CSMD3: variants seen among roughly 807,000 people sequenced by gnomAD.
CSMD3 encodes CUB and sushi domain-containing protein 3.
CSMD3 carries 177 observed loss-of-function variants against 435.2 expected under a neutral mutation model. That is an observed-to-expected ratio of 0.41 (90% CI 0.36 to 0.46). The LOEUF (loss-of-function observed/expected upper bound fraction) is 0.46. Ranked by LOEUF, CSMD3 falls within the 20% of genes least tolerant of loss-of-function variation. The probability of loss-of-function intolerance (pLI) is 0.34; values close to 1 mark genes in which losing one functional copy is unlikely to be tolerated. For missense variants in CSMD3, 4,265 were observed against 4,504.6 expected, an observed-to-expected ratio of 0.95 and a Z score of 1.52; for synonymous variants, 1,656 against 1,520.5, an observed-to-expected ratio of 1.09 and a Z score of -2.07.
intron 1 of CSMD3, among the ~76,000 whole-genome samples, chr8:113,422,751 G>GA (rs375804522): frequency 7.6e-4 from 115 of 151,752 alleles, no homozygotes; most frequent in African/African-American, 2.5e-3. Context: ...AGAGAGAGAC[G>GA]AAAAAAAATG....
At chr8:112,414,870 CT>C (rs1162648080) in intron 32 of CSMD3, among the ~76,000 whole-genome samples, 1 of 152,146 alleles carries the variant, frequency 6.6e-6, no homozygotes, top group Non-Finnish European at 1.5e-5. Context: ...CATTTTGCCC[CT>C]GTGCTAGAGA....
intron 37 of CSMD3, among the ~76,000 whole-genome samples, chr8:112,381,474 C>T (rs1829456019): frequency 6.6e-6 from 1 of 152,204 alleles, no homozygotes; most frequent in Non-Finnish European, 1.5e-5. Flanking sequence ...TAAACAAGCG[C>T]TAATTCTACA....
chr8:112,976,002 C>G lies in CSMD3; in HGVS notation c.1177G>C (p.Glu393Gln), dbSNP rs746262199. The G allele has an allele frequency of 1.2e-6, 2 of 1,613,814 alleles. No individual in the cohort carries two copies. The highest frequency in any genetic ancestry group is 3.3e-5 in the Admixed American group (2 of 59,966). Residue 393 changes from glutamate to glutamine, a missense_variant, in exon 7 of 71, where the codon GAA (glutamate) becomes CAA (glutamine). Glu to Gln is a conservative substitution (Grantham distance 29). Coordinates refer to ENST00000297405, the MANE Select transcript of CSMD3 (RefSeq NM_198123.2). The stretch of plus-strand genomic sequence containing the variant: ...AGACTCGTAACTTGCACTCGCTGTT[C>G]CTCGGAAAGTCTATGGATGGTGACA... ...TAVTIHRLSE[E>Q]QRVQVTSLRN...
At chr8:112,821,553 C>T (rs2079530600) in intron 12 of CSMD3, among the ~76,000 whole-genome samples, 1 of 152,062 alleles carries the variant, frequency 6.6e-6, no homozygotes, top group African/African-American at 2.4e-5. Context: ...AATATTAGAT[C>T]TTTGTCGGAT....
At chr8:112,956,064 T>TA (rs999172626) in intron 7 of CSMD3, among the ~76,000 whole-genome samples, 2 of 151,908 alleles carry the variant, frequency 1.3e-5, no homozygotes, top group Non-Finnish European at 2.9e-5. Flanking sequence ...GCATATATTT[T>TA]AAAAAAAGAG....
At chr8:113,212,367 T>C (rs563815177) in intron 3 of CSMD3, among the ~76,000 whole-genome samples, 2 of 152,110 alleles carry the variant, frequency 1.3e-5, no homozygotes, top group Non-Finnish European at 2.9e-5. Flanking sequence ...ATACAATAAG[T>C]ACAAGTTTAA....
intron 12 of CSMD3, among the ~76,000 whole-genome samples, chr8:112,814,198 C>A (rs2079307814): frequency 6.6e-6 from 1 of 152,074 alleles, no homozygotes. Context: ...GAAATTGATT[C>A]AGGGGCAATA....
chr8:112,263,862 C>T (rs2130388325), intron 60 of CSMD3, 50 bp from the exon 61 acceptor site: 3 of 1,484,920 alleles, frequency 2.0e-6, no homozygotes, highest in Non-Finnish European at 2.8e-6. Flanking sequence ...ATATCCTGAG[C>T]CTTAAAGATA....
At chr8:112,449,290 TAAAAC>T (rs767243663) in intron 32 of CSMD3, among the ~76,000 whole-genome samples, 1 of 152,162 alleles carries the variant, frequency 6.6e-6, no homozygotes, top group African/African-American at 2.4e-5. Context: ...TTTTTGTGTT[TAAAAC>T]AAAACAAAAC....
At chr8:112,319,274 G>A (rs889375370) in intron 46 of CSMD3, among the ~76,000 whole-genome samples, 2 of 151,868 alleles carry the variant, frequency 1.3e-5, no homozygotes, top group Non-Finnish European at 2.9e-5. Context: ...TAGTTAGAAG[G>A]CTTTCTATTT....
intron 5 of CSMD3, among the ~76,000 whole-genome samples, chr8:113,025,608 G>C (rs933170954): frequency 1.3e-5 from 2 of 152,178 alleles, no homozygotes; most frequent in African/African-American, 4.8e-5. Context: ...CCACCACAAG[G>C]CTAACTGGTG....
chr8:113,257,603 G>T (rs1457591595), intron 3 of CSMD3, among the ~76,000 whole-genome samples: 1 of 152,114 alleles, frequency 6.6e-6, no homozygotes, highest in East Asian at 1.9e-4. Flanking sequence ...TAGGAAAGGA[G>T]AAAGGAGTAA....
At chr8:113,291,309 CAG>C (rs1468738156) in intron 2 of CSMD3, among the ~76,000 whole-genome samples, 1 of 151,688 alleles carries the variant, frequency 6.6e-6, no homozygotes, top group Non-Finnish European at 1.5e-5. Flanking sequence ...GGCATTAAAA[CAG>C]AGTGATTAGA....
intron 4 of CSMD3, among the ~76,000 whole-genome samples, chr8:113,172,004 T>C (rs1400704041): frequency 6.6e-6 from 1 of 152,164 alleles, no homozygotes; most frequent in Non-Finnish European, 1.5e-5. Context: ...TCTCTTATAA[T>C]ACCATTTAGT....
chr8:112,664,106 G>A (rs1260544040), intron 17 of CSMD3, among the ~76,000 whole-genome samples: 3 of 151,926 alleles, frequency 2.0e-5, no homozygotes, highest in Non-Finnish European at 2.9e-5. Context: ...TTCAACTACC[G>A]TTGCACCTCC....
intron 10 of CSMD3, among the ~76,000 whole-genome samples, chr8:112,862,981 T>C (rs2129921810): frequency 6.6e-6 from 1 of 152,162 alleles, no homozygotes; most frequent in Admixed American, 6.5e-5. Flanking sequence ...ACATTTTTAG[T>C]ATGCTTTAAC....
rs543505594 is a variant in CSMD3, at chr8:113,285,112, G to A, written c.402-6408C>T. On this transcript the variant is annotated intron_variant, in intron 2 of 70. Coordinates refer to ENST00000297405, the MANE Select transcript of CSMD3 (RefSeq NM_198123.2). ...TTGGTTTTTGCACAATGCCCATGTA[G>A]GTTTCTTAACAAGTATTTTGAATGA... Among the ~76,000 whole-genome samples, 7 of 152,226 alleles carry A rather than the reference G, an allele frequency of 4.6e-5. 1 individual carries two copies. The South Asian group carries it at 8.3e-4, about 18-fold the overall frequency.
Position 113,223,700 on chromosome 8 carries a change from T to C in CSMD3, c.515-49784A>G, listed in dbSNP as rs188150705. 5.4e-3 allele frequency among the ~76,000 whole-genome samples: 816 copies of C among 149,906 alleles called. 11 individuals carry two copies. Among genetic ancestry groups the C allele is most frequent in the African/African-American group, 0.019 (785 of 41,144 alleles). ...TTTATTCTTTCATTATTTCATCAAA[T>C]ATATATCAGGCACTTTTTAAGGCAA... On this transcript the variant is annotated intron_variant, in intron 3 of 70. Transcript: ENST00000297405.
At position 112,390,697 on chromosome 8, in the gene CSMD3, C is replaced by T; in HGVS notation, c.5901G>A (p.Trp1967Ter). The T allele has an allele frequency of 6.2e-7, 1 of 1,613,398 alleles. No individual in the cohort carries two copies. Residue 1967 changes from tryptophan (W) to a stop codon, truncating the protein, a stop_gained, in exon 36 of 71, where the codon TGG (tryptophan) becomes TGA (stop). Coordinates refer to ENST00000297405, the MANE Select transcript of CSMD3 (RefSeq NM_198123.2). LOFTEE classifies it high-confidence loss of function. ...EPYDNNLNCV[W>*]KITVPEGAGI... Reference sequence around the variant, plus strand: ...CAGCTCCCTCTGGCACTGTGATCTTCCACACACAATTCAGATTGTTGTCAT... The same window carrying T: ...CAGCTCCCTCTGGCACTGTGATCTTTCACACACAATTCAGATTGTTGTCAT...
Sources: allele counts gnomAD v4.1 joint callset (sites outside exome capture counted in the v4.1 genomes callset), GRCh38; gene constraint gnomAD v4.1.1; transcripts MANE v1.5; gene names NCBI Gene and HGNC (gene_info 2026-07-23, HGNC 2026-07-21).